The following AATF variants were observed in gnomAD, a reference collection of about 807,000 sequenced individuals.
AATF encodes the protein apoptosis antagonizing transcription factor.
Under a neutral mutation model 63.7 loss-of-function variants are expected in AATF, and 48 were observed. The ratio of observed to expected loss-of-function variants is 0.75; its 90% CI spans 0.60 to 0.96. AATF has a LOEUF of 0.96. Ranked by LOEUF, AATF falls within the 40% of genes least tolerant of loss-of-function variation. AATF has a pLI of 0.00. For synonymous variants in AATF, 258 were observed against 247.7 expected (o/e 1.04, Z -0.39); for missense variants, 639 against 685.7 (o/e 0.93, Z 0.76).
chr17:36,970,082 C>T (rs527932882), intron 4 of AATF, among the ~76,000 whole-genome samples: 1 of 152,266 alleles, frequency 6.6e-6, no homozygotes, highest in East Asian at 1.9e-4. Context: ...CTGCTACAAA[C>T]ATTTGTATAG....
chr17:37,000,291 AAG>A (rs1403718468), intron 8 of AATF, among the ~76,000 whole-genome samples: 2 of 152,170 alleles, frequency 1.3e-5, no homozygotes, highest in African/African-American at 4.8e-5. Context: ...GGTATATCAA[AAG>A]AGAGTAGTCA....
chr17:36,970,534 C>CTTTCTTT (rs1567968838), intron 4 of AATF, among the ~76,000 whole-genome samples: 2 of 125,688 alleles, frequency 1.6e-5, no homozygotes, highest in African/African-American at 9.9e-5. Flanking sequence ...TTCTTTCTTT[C>CTTTCTTT]TTTTTTCTTT....
At chr17:36,958,235 TCA>T (rs1178082039) in intron 4 of AATF, among the ~76,000 whole-genome samples, 5 of 152,074 alleles carry the variant, frequency 3.3e-5, no homozygotes, top group African/African-American at 1.2e-4. Context: ...CGATCTCAAC[TCA>T]CTGCAACTTC....
chr17:36,966,119 G>C (rs140564731), intron 4 of AATF, among the ~76,000 whole-genome samples: 5 of 152,044 alleles, frequency 3.3e-5, no homozygotes, highest in East Asian at 3.9e-4. Context: ...GCCTGAATTA[G>C]TGTTGTGTCT....
chr17:36,985,183 T>G (rs975920268), intron 4 of AATF, among the ~76,000 whole-genome samples: 1 of 152,096 alleles, frequency 6.6e-6, no homozygotes, highest in African/African-American at 2.4e-5. Flanking sequence ...ATTACAGGCA[T>G]GAGCCACTGC....
At chr17:37,041,332 C>CAT (rs2071638229) in intron 11 of AATF, among the ~76,000 whole-genome samples, 1 of 152,074 alleles carries the variant, frequency 6.6e-6, no homozygotes, top group Non-Finnish European at 1.5e-5. Flanking sequence ...CTGCAGTGAA[C>CAT]ATATATATAC....
At chr17:36,971,932 T>A (rs1488042904) in intron 4 of AATF, among the ~76,000 whole-genome samples, 3 of 152,202 alleles carry the variant, frequency 2.0e-5, no homozygotes, top group African/African-American at 7.2e-5. Context: ...AGCTTTCTTC[T>A]TTGTTTTCTA....
At chr17:37,028,734 C>G (rs765336853) in intron 10 of AATF, among the ~76,000 whole-genome samples, 2 of 151,952 alleles carry the variant, frequency 1.3e-5, no homozygotes, top group Non-Finnish European at 2.9e-5. Context: ...TGCAGTGAGC[C>G]GAGATAGCAC....
rs531277351 is a variant in AATF, at chr17:37,007,233, G to A, written c.1399-11772G>A. Among the ~76,000 whole-genome samples the A allele has an allele frequency of 2.0e-5, 3 of 152,154 alleles. No individual in the cohort carries two copies. In the South Asian group the frequency reaches 6.2e-4, roughly 32 times the overall value. ...AATAGGGTCTCACTCTGTCACCCAG[G>A]CTGGACCATAGTGGTGCAGTCATAG... On this transcript the variant is annotated intron_variant, in intron 8 of 11. Coordinates refer to ENST00000619387, the MANE Select transcript of AATF (RefSeq NM_012138.4).
intron 8 of AATF, among the ~76,000 whole-genome samples, chr17:37,017,118 A>C (rs1345149648): frequency 6.6e-6 from 1 of 152,206 alleles, no homozygotes; most frequent in East Asian, 1.9e-4. Context: ...ATTCTTCCCG[A>C]GGATCACCCT....
chr17:37,031,583 G>A (rs2142301240), intron 10 of AATF, 31 bp from the exon 11 acceptor site: 1 of 1,573,626 alleles, frequency 6.4e-7, no homozygotes, highest in Non-Finnish European at 8.7e-7. Context: ...AGTTACTAAT[G>A]TTGCTGCCTG....
chr17:37,031,976 T>C (rs1354723834), intron 11 of AATF, among the ~76,000 whole-genome samples: 1 of 152,216 alleles, frequency 6.6e-6, no homozygotes, highest in Non-Finnish European at 1.5e-5. Context: ...GTGGCCCATG[T>C]TCTTGCCGTT....
At chr17:37,050,630 T>C (rs1194492236) in intron 11 of AATF, among the ~76,000 whole-genome samples, 2 of 152,174 alleles carry the variant, frequency 1.3e-5, no homozygotes, top group Non-Finnish European at 2.9e-5. Flanking sequence ...ACTTGTAGGG[T>C]TTCAGATCGG....
intron 10 of AATF, chr17:37,021,244 A>T (rs538616772): frequency 2.4e-6 from 1 of 421,652 alleles, no homozygotes; most frequent in Non-Finnish European, 4.2e-6. Flanking sequence ...GAAATAATAT[A>T]TGCATTCCCT....
At chr17:37,024,576 C>A (rs1332592377) in intron 10 of AATF, among the ~76,000 whole-genome samples, 1 of 152,106 alleles carries the variant, frequency 6.6e-6, no homozygotes, top group African/African-American at 2.4e-5. Context: ...ATCATGACCA[C>A]GTTAAGAATT....
intron 8 of AATF, among the ~76,000 whole-genome samples, chr17:36,996,545 T>G (rs1184194186): frequency 6.6e-6 from 1 of 152,244 alleles, no homozygotes; most frequent in East Asian, 1.9e-4. Context: ...CAGGGCCCAA[T>G]TAAATTTCAG....
chr17:37,042,733 C>CTTTTTTTTTTTTTT (rs200304881), intron 11 of AATF, among the ~76,000 whole-genome samples: 1 of 137,274 alleles, frequency 7.3e-6, no homozygotes, highest in African/African-American at 2.8e-5. Flanking sequence ...TTAATTTTTT[C>CTTTTTTTTTTTTTT]TTTCTTTTTT....
intron 10 of AATF, among the ~76,000 whole-genome samples, chr17:37,029,124 G>C (rs535191249): frequency 1.3e-5 from 2 of 152,072 alleles, no homozygotes; most frequent in Non-Finnish European, 2.9e-5. Flanking sequence ...AGCCCAGACC[G>C]GAGGGCTCAC....
At chr17:37,051,145 T>C (rs1414582773) in intron 11 of AATF, 1 of 152,174 alleles carries the variant, frequency 6.6e-6, no homozygotes, top group East Asian at 1.9e-4. Flanking sequence ...ACATAATACT[T>C]GCTCGGAGAC....
Sources: gnomAD v4.1 joint callset for allele counts (sites outside exome capture counted in the v4.1 genomes callset) on GRCh38, gnomAD v4.1.1 for gene constraint, MANE v1.5 for transcripts, NCBI Gene and HGNC (gene_info 2026-07-23, HGNC 2026-07-21) for gene names.